AGBL1: variants seen among roughly 807,000 people sequenced by gnomAD.
The protein encoded by AGBL1 is AGBL carboxypeptidase 1, also known as cytosolic carboxypeptidase 4.
Under a neutral mutation model 118.9 loss-of-function variants are expected in AGBL1, and 130 were observed. The ratio of observed to expected loss-of-function variants is 1.09; its 90% confidence interval spans 0.95 to 1.26. The LOEUF is 1.26. AGBL1 is among the 50% of genes most tolerant of loss of function. The probability of loss-of-function intolerance (pLI) is 0.00; values close to 1 mark genes in which losing one functional copy is unlikely to be tolerated. For synonymous variants in AGBL1, 555 were observed against 478.9 expected, an observed-to-expected ratio of 1.16 and a Z score of -2.08; for missense variants, 1,584 against 1,298.1, an observed-to-expected ratio of 1.22 and a Z score of -3.38.
chr15:86,390,428 A>C (rs2081259021), intron 17 of AGBL1, among the ~76,000 whole-genome samples: 1 of 152,138 alleles, frequency 6.6e-6, no homozygotes. Context: ...GTACCCAACA[A>C]CATTCTTTGA....
At chr15:86,109,385 A>C (rs1370949310) in intron 1 of AGBL1, among the ~76,000 whole-genome samples, 1 of 152,214 alleles carries the variant, frequency 6.6e-6, no homozygotes, top group Admixed American at 6.5e-5. Context: ...ACAAAATCAG[A>C]AAAATAATGT....
intron 22 of AGBL1, among the ~76,000 whole-genome samples, chr15:86,725,968 C>T (rs2086812036): frequency 6.6e-6 from 1 of 150,930 alleles, no homozygotes; most frequent in Non-Finnish European, 1.5e-5. Flanking sequence ...ACTAATTCTG[C>T]ATCTGGCAAA....
intron 5 of AGBL1, among the ~76,000 whole-genome samples, chr15:86,205,781 T>C (rs35609037): frequency 0.45 from 68,620 of 152,042 alleles, 15,996 homozygotes; most frequent in South Asian, 0.67. Context: ...GTTTTTAGCT[T>C]ATTTTAAAAA....
intron 23 of AGBL1, among the ~76,000 whole-genome samples, chr15:86,943,386 C>G (rs531298672): frequency 2.0e-5 from 3 of 152,164 alleles, no homozygotes; most frequent in Non-Finnish European, 4.4e-5. Flanking sequence ...TTCAAAATTT[C>G]TATTAATTTT....
Position 86,158,983 on chromosome 15 carries a change from A to G in AGBL1, c.445A>G (p.Lys149Glu). The G allele has an allele frequency of 6.2e-7, 1 of 1,613,366 alleles. No homozygotes were observed. Among genetic ancestry groups the G allele is most frequent in the Non-Finnish European group, 8.5e-7 (1 of 1,179,454 alleles). Residue 149 changes from lysine to glutamate, a missense_variant, in exon 5 of 23, where the codon AAG becomes GAG. Lys to Glu is a moderately conservative substitution (Grantham distance 56, BLOSUM62 1). Transcript: ENST00000614907. ...TAATGGAGCCATGGAACTGCTTTTC[A>G]AGGTTATTACTCCTTACACCCGAAA... is the stretch of plus-strand genomic sequence containing the variant. Reference protein sequence around the residue: ...GINGAMELLFKVITPYTRKRT... With the variant: ...GINGAMELLFEVITPYTRKRT...
chr15:86,548,529 T>C (rs1291415802), intron 20 of AGBL1, among the ~76,000 whole-genome samples: 1 of 152,102 alleles, frequency 6.6e-6, no homozygotes, highest in East Asian at 1.9e-4. Context: ...TTCTTGAAAA[T>C]TGCTGGAACT....
chr15:86,083,034 A>G (rs1895391025), intron 1 of AGBL1, among the ~76,000 whole-genome samples: 1 of 152,234 alleles, frequency 6.6e-6, no homozygotes, highest in African/African-American at 2.4e-5. Flanking sequence ...GGATTAAGAG[A>G]ATACATCTGA....
intron 22 of AGBL1, among the ~76,000 whole-genome samples, chr15:86,788,811 T>C (rs994551604): frequency 6.6e-6 from 1 of 152,174 alleles, no homozygotes; most frequent in Non-Finnish European, 1.5e-5. Flanking sequence ...GAGTGAGCTA[T>C]ATGTGATGAG....
At chr15:86,302,167 G>C (rs2079757281) in intron 17 of AGBL1, among the ~76,000 whole-genome samples, 1 of 152,052 alleles carries the variant, frequency 6.6e-6, no homozygotes, top group Non-Finnish European at 1.5e-5. Context: ...CTCCTTCTAA[G>C]GCTGGTTGAA....
At chr15:86,106,192 G>A (rs1199898659) in intron 1 of AGBL1, among the ~76,000 whole-genome samples, 1 of 152,214 alleles carries the variant, frequency 6.6e-6, no homozygotes, top group Admixed American at 6.5e-5. Flanking sequence ...TAACAGGGTA[G>A]TAAATGTGGT....
At chr15:86,632,569 A>G (rs1370986720) in intron 21 of AGBL1, among the ~76,000 whole-genome samples, 2 of 152,070 alleles carry the variant, frequency 1.3e-5, no homozygotes, top group African/African-American at 4.8e-5. Context: ...ATGTCTCATC[A>G]AGATTCTCAG....
chr15:86,545,229 G>A (rs141383589), intron 19 of AGBL1, among the ~76,000 whole-genome samples: 4 of 152,328 alleles, frequency 2.6e-5, no homozygotes, highest in African/African-American at 7.2e-5. Flanking sequence ...AGTCATAGCC[G>A]ATCTCTAGTA....
intron 17 of AGBL1, among the ~76,000 whole-genome samples, chr15:86,358,850 C>T (rs932828133): frequency 4.0e-5 from 6 of 151,768 alleles, no homozygotes; most frequent in African/African-American, 1.5e-4. Flanking sequence ...AGGTCCTTAG[C>T]CCATTTTTAA....
intron 1 of AGBL1, among the ~76,000 whole-genome samples, chr15:86,091,514 T>G (rs1896025317): frequency 6.6e-6 from 1 of 152,252 alleles, no homozygotes. Flanking sequence ...CAGTTATGCC[T>G]AGGCCTATGA....
chr15:86,893,183 A>G (rs1454897767), intron 22 of AGBL1, among the ~76,000 whole-genome samples: 1 of 152,104 alleles, frequency 6.6e-6, no homozygotes, highest in Non-Finnish European at 1.5e-5. Flanking sequence ...CTTTTTCAGG[A>G]GGGAGATGGG....
intron 21 of AGBL1, among the ~76,000 whole-genome samples, chr15:86,646,649 T>C (rs915034803): frequency 6.6e-6 from 1 of 152,112 alleles, no homozygotes; most frequent in African/African-American, 2.4e-5. Flanking sequence ...TAAATAACTT[T>C]TTTCCCACAG....
downstream of AGBL1, chr15:87,029,153 T>C (rs1341164519): frequency 8.0e-6 from 2 of 248,634 alleles, no homozygotes; most frequent in Non-Finnish European, 1.5e-5. Flanking sequence ...CAAAGGTACT[T>C]CACATAGATA....
At chr15:86,992,202 CAT>C (rs2081342136) in intron 24 of AGBL1, among the ~76,000 whole-genome samples, 1 of 151,976 alleles carries the variant, frequency 6.6e-6, no homozygotes, top group Non-Finnish European at 1.5e-5. Flanking sequence ...AACCAGATCT[CAT>C]GTGCTCTCAG....
chr15:86,084,192 T>A (rs1406899214), intron 1 of AGBL1, among the ~76,000 whole-genome samples: 1 of 152,212 alleles, frequency 6.6e-6, no homozygotes, highest in Non-Finnish European at 1.5e-5. Flanking sequence ...TTTGTGACAA[T>A]CAACCTGGGT....
Sources: allele counts gnomAD v4.1 joint callset (sites outside exome capture counted in the v4.1 genomes callset), GRCh38; gene constraint gnomAD v4.1.1; transcripts MANE v1.5; gene names NCBI Gene and HGNC (gene_info 2026-07-23, HGNC 2026-07-21).